The following LAMC2 variants were observed in gnomAD, a reference collection of about 807,000 sequenced individuals.
LAMC2 encodes laminin subunit gamma-2.
A neutral mutation model predicts 140.2 loss-of-function variants in LAMC2; 97 were observed. The ratio of observed to expected loss-of-function variants is 0.69; its 90% CI spans 0.59 to 0.82. The LOEUF (loss-of-function observed/expected upper bound fraction) is 0.82. Among genes scored for constraint, LAMC2 ranks in the 40% least tolerant of loss-of-function variants. LAMC2 has a pLI of 0.00. For synonymous variants in LAMC2, 513 were observed against 540.2 expected, an observed-to-expected ratio of 0.95 and a Z score of 0.70; for missense variants, 1,402 against 1,476.1, an observed-to-expected ratio of 0.95 and a Z score of 0.82.
intron 1 of LAMC2, among the ~76,000 whole-genome samples, chr1:183,194,387 A>G (rs1658448330): frequency 6.6e-6 from 1 of 152,212 alleles, no homozygotes; most frequent in African/African-American, 2.4e-5. Flanking sequence ...GTAAGCCCAC[A>G]CACATACCTA....
the LAMC2 span, among the ~76,000 whole-genome samples, chr1:183,256,908 T>C: frequency 1.3e-5 from 2 of 151,948 alleles, no homozygotes; most frequent in African/African-American, 2.4e-5. Flanking sequence ...CGTGCCACCA[T>C]GCCTGGATAA....
At chr1:183,218,553 A>G in intron 4 of LAMC2, 65 bp downstream of exon 4, 1 of 1,169,908 alleles carries the variant, frequency 8.5e-7, no homozygotes, top group East Asian at 2.5e-5. Flanking sequence ...ATGAGAATTA[A>G]TCCTCCGAGT....
intron 1 of LAMC2, among the ~76,000 whole-genome samples, chr1:183,200,026 T>C (rs1658655567): frequency 6.6e-6 from 1 of 152,230 alleles, no homozygotes; most frequent in South Asian, 2.1e-4. Context: ...AGCATGATGA[T>C]TTCACAGATT....
chr1:183,191,066 A>G (rs1163445581), intron 1 of LAMC2, among the ~76,000 whole-genome samples: 3 of 152,206 alleles, frequency 2.0e-5, no homozygotes, highest in African/African-American at 7.2e-5. Context: ...TTTCTTACTG[A>G]TAAGTCTCCA....
At chr1:183,239,828 C>A in intron 20 of LAMC2, 1 of 661,304 alleles carries the variant, frequency 1.5e-6, no homozygotes, top group Non-Finnish European at 2.6e-6. Flanking sequence ...ACTGTCTGGC[C>A]GCTGACCTTC....
chr1:183,243,063 T>C, intron 22 of LAMC2, 84 bp from the exon 23 acceptor site: 1 of 1,464,982 alleles, frequency 6.8e-7, no homozygotes, highest in South Asian at 1.2e-5. Flanking sequence ...TGGGAATTAG[T>C]TATGGGTATA....
chr1:183,237,509 T>C lies in LAMC2; in HGVS notation c.2754+5T>C. On this transcript the variant is annotated splice_donor_5th_base_variant and intron_variant, in intron 18 of 22. Coordinates refer to ENST00000264144, the MANE Select transcript of LAMC2 (RefSeq NM_005562.3). The stretch of plus-strand genomic sequence containing the variant: ...AATGGAAAAAGTGGGAGAGAGGTAT[T>C]CTTTTGTTAATTCATTCACTCAATA... 6.2e-7 allele frequency: 1 copy of C among 1,611,742 alleles called. No individual in the cohort carries two copies. The highest frequency in any genetic ancestry group is 8.5e-7 in the Non-Finnish European group (1 of 1,178,080).
At chr1:183,243,074 G>A in intron 22 of LAMC2, 73 bp from the exon 23 acceptor site, 2 of 1,560,964 alleles carry the variant, frequency 1.3e-6, no homozygotes, top group Non-Finnish European at 1.8e-6. Context: ...TATGGGTATA[G>A]AAGGGCACGG....
intron 2 of LAMC2, among the ~76,000 whole-genome samples, chr1:183,213,523 T>TG (rs971672745): frequency 1.3e-5 from 2 of 152,162 alleles, no homozygotes; most frequent in African/African-American, 2.4e-5. Flanking sequence ...AGATATAGGC[T>TG]GGGTGCCCTG....
At chr1:183,191,726 G>T (rs768347901) in intron 1 of LAMC2, among the ~76,000 whole-genome samples, 1 of 152,090 alleles carries the variant, frequency 6.6e-6, no homozygotes, top group Non-Finnish European at 1.5e-5. Flanking sequence ...GGGCATGGTG[G>T]CATGTGCCTA....
At chr1:183,193,059 A>T (rs1351597066) in intron 1 of LAMC2, among the ~76,000 whole-genome samples, 1 of 152,206 alleles carries the variant, frequency 6.6e-6, no homozygotes, top group Non-Finnish European at 1.5e-5. Context: ...TCTACTGTTG[A>T]CATACCACCT....
rs79747329 is a variant in LAMC2, at chr1:183,198,156, T to A, written c.80-9725T>A. Among the ~76,000 whole-genome samples the A allele has an allele frequency of 4.9e-5, 7 of 142,464 alleles. No individual in the cohort carries two copies. In the South Asian group the frequency reaches 6.9e-4, roughly 14 times the overall value. The allele number at this position is 142,464 out of a possible 152,430, so 93.5% of individuals were successfully genotyped here. A position where few individuals can be genotyped will look rare whatever the true frequency, so the allele number is the denominator to read the frequency against. ...TTTTTCTTTCTTTTTTTTTTTTTTTTAATTGAGACAGAGTCTCACTCTGTC... is the reference window on the plus strand; with the variant it reads ...TTTTTCTTTCTTTTTTTTTTTTTTTAAATTGAGACAGAGTCTCACTCTGTC... On this transcript the variant is annotated intron_variant, in intron 1 of 22. Transcript: ENST00000264144.
At chr1:183,253,017 T>C in the LAMC2 span, among the ~76,000 whole-genome samples, 1 of 152,154 alleles carries the variant, frequency 6.6e-6, no homozygotes, top group Non-Finnish European at 1.5e-5. Flanking sequence ...ATGAGGGTAA[T>C]ATCTGGGCCC....
At chr1:183,230,694 A>G (rs1191393059) in intron 11 of LAMC2, among the ~76,000 whole-genome samples, 1 of 152,236 alleles carries the variant, frequency 6.6e-6, no homozygotes, top group African/African-American at 2.4e-5. Flanking sequence ...AAGCAAAGCC[A>G]GAGTGCTTGC....
At chr1:183,221,323 A>T (rs1255657096) in intron 5 of LAMC2, among the ~76,000 whole-genome samples, 1 of 152,234 alleles carries the variant, frequency 6.6e-6, no homozygotes, top group Admixed American at 6.5e-5. Context: ...TGCTGTTTTC[A>T]CATATAATAA....
At chr1:183,198,171 C>A (rs1298049370) in intron 1 of LAMC2, among the ~76,000 whole-genome samples, 1 of 140,974 alleles carries the variant, frequency 7.1e-6, no homozygotes, top group Admixed American at 7.4e-5. Context: ...GAGACAGAGT[C>A]TCACTCTGTC....
chr1:183,224,417 G>A (rs1318355873), intron 7 of LAMC2, among the ~76,000 whole-genome samples: 1 of 152,160 alleles, frequency 6.6e-6, no homozygotes, highest in Non-Finnish European at 1.5e-5. Flanking sequence ...CTGGAAAGAC[G>A]ATGCAGAGCC....
At chr1:183,252,552 C>T in the LAMC2 span, 12 of 953,934 alleles carry the variant, frequency 1.3e-5, no homozygotes, top group South Asian at 1.5e-4. Context: ...ACAGTCAAGA[C>T]GAGGAGATGG....
At chr1:183,238,585 TGTA>T (rs1250289703) in intron 19 of LAMC2, among the ~76,000 whole-genome samples, 164 bp downstream of exon 19, 1 of 152,238 alleles carries the variant, frequency 6.6e-6, no homozygotes, top group Non-Finnish European at 1.5e-5. Flanking sequence ...TAATATTTAA[TGTA>T]GTAGTAATAA....
Sources: gnomAD v4.1 joint callset for allele counts (sites outside exome capture counted in the v4.1 genomes callset) on GRCh38, gnomAD v4.1.1 for gene constraint, MANE v1.5 for transcripts, NCBI Gene and HGNC (gene_info 2026-07-23, HGNC 2026-07-21) for gene names.